Variants in OSBPL6 observed in about 807,000 individuals in gnomAD.
The protein encoded by OSBPL6 is oxysterol binding protein like 6, also known as oxysterol-binding protein-related protein 6.
A neutral mutation model predicts 125.8 loss-of-function variants in OSBPL6; 49 were observed. The ratio of observed to expected loss-of-function variants is 0.39; its 90% CI spans 0.31 to 0.49. The LOEUF is 0.49. Ranked by LOEUF, OSBPL6 falls within the 20% of genes least tolerant of loss-of-function variation. OSBPL6 has a pLI of 0.88. For missense variants in OSBPL6, 986 were observed against 1,135.4 expected (o/e 0.87, Z 1.89); for synonymous variants, 394 against 391.8 (o/e 1.01, Z -0.07).
chr2:178,288,586 A>T (rs953234956), intron 2 of OSBPL6, among the ~76,000 whole-genome samples: 1 of 152,162 alleles, frequency 6.6e-6, no homozygotes, highest in Non-Finnish European at 1.5e-5. Context: ...GGGGGAAAAA[A>T]AGGAGTATAC....
At position 178,383,187 on chromosome 2, in the gene OSBPL6, G is replaced by A. The variant is rs770132585; in HGVS notation, c.1785G>A (p.Pro595=). The A allele has an allele frequency of 4.1e-5, 66 of 1,614,018 alleles. No individual in the cohort carries two copies. In the Middle Eastern group the frequency reaches 6.6e-4, roughly 16 times the overall value. The change falls in exon 17 of 25, where the codon CCG becomes CCA. Residue 595 remains proline, a synonymous_variant. Coordinates refer to ENST00000190611, the MANE Select transcript of OSBPL6 (RefSeq NM_032523.4). ...CTATGCCTGTGGAGCTAAACGAGCC[G>A]CTCAACACCCTGCAGCACCTCTGTG... is the stretch of plus-strand genomic sequence containing the variant. ...KVSMPVELNE[P]LNTLQHLCEE...
chr2:178,335,613 T>C (rs1426171198), intron 8 of OSBPL6, among the ~76,000 whole-genome samples: 1 of 152,210 alleles, frequency 6.6e-6, no homozygotes, highest in Admixed American at 6.5e-5. Flanking sequence ...TAGTTGGATA[T>C]TAAAGTCAAC....
intron 15 of OSBPL6, among the ~76,000 whole-genome samples, chr2:178,380,294 T>C (rs958454217): frequency 1.3e-5 from 2 of 151,506 alleles, no homozygotes; most frequent in Non-Finnish European, 2.9e-5. Flanking sequence ...AAAAAATTTA[T>C]TTTTTAATTG....
chr2:178,336,419 A>C lies in OSBPL6; in HGVS notation c.776A>C (p.Asp259Ala). 4 of 1,614,002 alleles carry C rather than the reference A, an allele frequency of 2.5e-6. No homozygotes were observed. Among genetic ancestry groups the C allele is most frequent in the Non-Finnish European group, 3.4e-6 (4 of 1,179,978 alleles). The change falls in exon 9 of 25, where the codon GAC becomes GCC. Residue 259 changes from aspartate (D) to alanine (A), a missense_variant. Around this residue, in one of 3 missense-constraint regions of OSBPL6, gnomAD observed 843 missense variants for 997.3 expected, o/e 0.85. Transcript: ENST00000190611. ...TGGTTACAGGACTCGGAAGAGATGG[A>C]CAGGTGTGCAGAAGGTTAGTTCTTG... ...AAWLQDSEEMDRCAEDLAHCQ... is the reference protein window; with the variant it reads ...AAWLQDSEEMARCAEDLAHCQ...
chr2:178,373,262 G>T (rs1381394165), intron 14 of OSBPL6, among the ~76,000 whole-genome samples: 1 of 152,080 alleles, frequency 6.6e-6, no homozygotes, highest in African/African-American at 2.4e-5. Flanking sequence ...AAAATAATTT[G>T]ATAATCTCAG....
At chr2:178,193,870 G>A (rs535607284), upstream of OSBPL6, among the ~76,000 whole-genome samples, 12 of 152,198 alleles carry the variant, frequency 7.9e-5, no homozygotes, top group Non-Finnish European at 1.5e-4. Context: ...CAGAACCCAG[G>A]TGTTTCTCTG....
chr2:178,301,010 A>G (rs184240449), intron 2 of OSBPL6, among the ~76,000 whole-genome samples: 4 of 152,146 alleles, frequency 2.6e-5, no homozygotes, highest in African/African-American at 9.7e-5. Context: ...CAGGGGTAAG[A>G]TCAATTATTA....
chr2:178,196,919 C>T (rs1201907722), intron 1 of OSBPL6, among the ~76,000 whole-genome samples: 1 of 152,028 alleles, frequency 6.6e-6, no homozygotes, highest in Non-Finnish European at 1.5e-5. Flanking sequence ...AATATTATAT[C>T]TCTGGATTCA....
At chr2:178,325,148 C>A (rs1349636297) in intron 4 of OSBPL6, among the ~76,000 whole-genome samples, 2 of 152,130 alleles carry the variant, frequency 1.3e-5, no homozygotes, top group Admixed American at 6.5e-5. Context: ...CTACTCCTGC[C>A]CATCCCTCCC....
At chr2:178,267,880 C>T (rs966259143) in intron 1 of OSBPL6, among the ~76,000 whole-genome samples, 2 of 150,386 alleles carry the variant, frequency 1.3e-5, no homozygotes, top group African/African-American at 4.9e-5. Context: ...AAATGAATGA[C>T]GCTATCAGTG....
At chr2:178,289,877 T>C (rs1043853907) in intron 2 of OSBPL6, among the ~76,000 whole-genome samples, 3 of 152,228 alleles carry the variant, frequency 2.0e-5, no homozygotes, top group Admixed American at 1.3e-4. Flanking sequence ...AGAGGCTTGA[T>C]TGGATTCAGA....
chr2:178,344,296 C>G (rs759219961), intron 11 of OSBPL6: 1 of 1,614,130 alleles, frequency 6.2e-7, no homozygotes, highest in Non-Finnish European at 8.5e-7. Context: ...GAAGGGCCAC[C>G]CGCGAAGGGC....
Position 178,381,191 on chromosome 2 carries a change from T to C in OSBPL6, c.1534-1229T>C, listed in dbSNP as rs370027064. 9.3e-4 allele frequency among the ~76,000 whole-genome samples: 141 copies of C among 152,304 alleles called. 1 individual carries two copies. Among genetic ancestry groups the C allele is most frequent in the Non-Finnish European group, 1.3e-3 (89 of 68,000 alleles). On this transcript the variant is annotated intron_variant, in intron 15 of 24. Coordinates refer to ENST00000190611, the MANE Select transcript of OSBPL6 (RefSeq NM_032523.4). ...TCTGATGTTCTATCTTATCTTCTCTTTCCTGATCTGCTCTGTTTCTAAGTC... is the reference window on the plus strand; with the variant it reads ...TCTGATGTTCTATCTTATCTTCTCTCTCCTGATCTGCTCTGTTTCTAAGTC...
intron 1 of OSBPL6, among the ~76,000 whole-genome samples, chr2:178,275,836 C>A (rs2092458435): frequency 6.6e-6 from 1 of 151,994 alleles, no homozygotes; most frequent in Non-Finnish European, 1.5e-5. Context: ...TATGCCTGGA[C>A]TGTTATGAAC....
At chr2:178,278,457 A>G (rs1396625403) in intron 1 of OSBPL6, among the ~76,000 whole-genome samples, 2 of 152,216 alleles carry the variant, frequency 1.3e-5, no homozygotes, top group Non-Finnish European at 2.9e-5. Context: ...GGATTAATCA[A>G]TCAATACTTA....
intron 2 of OSBPL6, among the ~76,000 whole-genome samples, chr2:178,295,545 C>T (rs1368410629): frequency 6.6e-6 from 1 of 152,150 alleles, no homozygotes; most frequent in East Asian, 1.9e-4. Context: ...TGCATGAAAG[C>T]TTTGCAGAGC....
intron 3 of OSBPL6, among the ~76,000 whole-genome samples, chr2:178,307,436 T>C (rs1441597515): frequency 6.6e-6 from 1 of 152,208 alleles, no homozygotes; most frequent in African/African-American, 2.4e-5. Context: ...CTCCAGGGTC[T>C]TGGGGAACTT....
At chr2:178,210,823 AACACAC>A (rs1216449642) in intron 1 of OSBPL6, among the ~76,000 whole-genome samples, 59 of 145,460 alleles carry the variant, frequency 4.1e-4, no homozygotes, top group Middle Eastern at 7.3e-3. Context: ...AAAAAAAAAA[AACACAC>A]ACACACACAC....
At chr2:178,380,456 CAAAAA>C (rs60399092) in intron 15 of OSBPL6, among the ~76,000 whole-genome samples, 11 of 25,990 alleles carry the variant, frequency 4.2e-4, no homozygotes, top group East Asian at 1.5e-3. Flanking sequence ...GAGTCTGTCT[CAAAAA>C]AAAAAAAAAA....
Sources: gnomAD v4.1 joint callset for allele counts (sites outside exome capture counted in the v4.1 genomes callset) on GRCh38, gnomAD v4.1.1 for gene constraint, gnomAD v4.1.1 regional missense constraint, MANE v1.5 for transcripts, NCBI Gene and HGNC (gene_info 2026-07-23, HGNC 2026-07-21) for gene names.